The following TENT5D variants were observed in gnomAD, a reference collection of about 807,000 sequenced individuals.
TENT5D encodes the protein cancer/testis antigen 112.
For missense variants in TENT5D, 191 were observed against 287.0 expected (o/e 0.67, Z 2.42); for synonymous variants, 103 against 100.6 (o/e 1.02, Z -0.15).
intron 3 of TENT5D, among the ~76,000 whole-genome samples, chrX:80,343,479 C>T (rs1249871346): frequency 9.4e-6 from 1 of 106,084 alleles, no homozygotes; most frequent in African/African-American, 3.5e-5. Flanking sequence ...CTCACCGCAA[C>T]CTCCGCCTCC....
intron 3 of TENT5D, among the ~76,000 whole-genome samples, chrX:80,397,428 C>T (rs372016643): frequency 6.6e-5 from 7 of 106,277 alleles, no homozygotes; most frequent in African/African-American, 1.4e-4. Context: ...CGGGCAGAGA[C>T]GCTCCTCACT....
chrX:80,336,078 G>C (rs1014128000), intron 2 of TENT5D, among the ~76,000 whole-genome samples: 1 of 110,581 alleles, frequency 9.0e-6, no homozygotes, highest in Non-Finnish European at 1.9e-5. Flanking sequence ...TTGTCGATTC[G>C]TTTCAATTCA....
At chrX:80,434,092 G>A (rs766345902) in intron 1 of TENT5D, among the ~76,000 whole-genome samples, 19 of 106,862 alleles carry the variant, frequency 1.8e-4, no homozygotes, top group Non-Finnish European at 3.7e-4. Context: ...AGCCAAGATC[G>A]TACCACTGCA....
At chrX:80,401,568 G>T (rs1203485192) in intron 3 of TENT5D, among the ~76,000 whole-genome samples, 1 of 111,432 alleles carries the variant, frequency 9.0e-6, no homozygotes, top group African/African-American at 3.3e-5. Flanking sequence ...ACTTTTTTGT[G>T]TTGAAGTACA....
At chrX:80,359,529 C>CA (rs953656238) in intron 3 of TENT5D, among the ~76,000 whole-genome samples, 1 of 111,345 alleles carries the variant, frequency 9.0e-6, no homozygotes, top group Non-Finnish European at 1.9e-5. Context: ...AGCAAACTAA[C>CA]ACAAGAACAG....
rs140539900 is a variant in TENT5D, at chrX:80,375,625, C to G, written c.-142+33061C>G. On this transcript the variant is annotated intron_variant, in intron 3 of 4. Coordinates refer to the TENT5D transcript ENST00000538312. ...CATTTGCTTTTTTTCTCTTTATTTT[C>G]TACCTCCTTTGTGTACTCATTTCTG... Among the ~76,000 whole-genome samples the G allele has an allele frequency of 2.6e-3, 293 of 111,396 alleles. 1 individual carries two copies. Among genetic ancestry groups the G allele is most frequent in the Admixed American group, 4.9e-3 (51 of 10,395 alleles).
chrX:80,373,148 T>G (rs1268036098), intron 3 of TENT5D, among the ~76,000 whole-genome samples: 1 of 111,241 alleles, frequency 9.0e-6, no homozygotes, highest in Admixed American at 9.6e-5. Context: ...CATGTGTATA[T>G]GTTTCTCAAA....
intron 1 of TENT5D, among the ~76,000 whole-genome samples, chrX:80,435,756 T>C (rs944387076): frequency 1.8e-5 from 2 of 112,597 alleles, no homozygotes; most frequent in Non-Finnish European, 3.8e-5. Context: ...TTCCTTTAAA[T>C]ATTTTGCATC....
chrX:80,381,683 C>T (rs1286459319), intron 3 of TENT5D, among the ~76,000 whole-genome samples: 1 of 111,730 alleles, frequency 9.0e-6, no homozygotes, highest in African/African-American at 3.3e-5. Flanking sequence ...CTCTAAACTT[C>T]TCTTCTTGCT....
At chrX:80,367,894 A>G (rs1244065762) in intron 3 of TENT5D, among the ~76,000 whole-genome samples, 5 of 111,494 alleles carry the variant, frequency 4.5e-5, no homozygotes, top group Non-Finnish European at 9.4e-5. Flanking sequence ...AATAGGTAAA[A>G]AAGTAGTTAG....
intron 3 of TENT5D, among the ~76,000 whole-genome samples, chrX:80,396,854 G>A (rs1300429853): frequency 1.0e-5 from 1 of 95,963 alleles, no homozygotes; most frequent in African/African-American, 3.8e-5. Context: ...GGGCGGCCGG[G>A]CAGAGGCGCC....
At chrX:80,378,950 T>G (rs1292342867) in intron 3 of TENT5D, among the ~76,000 whole-genome samples, 1 of 109,484 alleles carries the variant, frequency 9.1e-6, no homozygotes, top group African/African-American at 3.3e-5. Context: ...ATGTCAGTTT[T>G]CAAAGGGAAT....
intron 3 of TENT5D, among the ~76,000 whole-genome samples, chrX:80,400,756 G>A (rs746999631): frequency 3.6e-5 from 4 of 111,535 alleles, no homozygotes; most frequent in Non-Finnish European, 7.5e-5. Flanking sequence ...TTCAGTTCAG[G>A]ATTTCAACAT....
intron 3 of TENT5D, among the ~76,000 whole-genome samples, chrX:80,368,954 C>T (rs1250171901): frequency 9.0e-6 from 1 of 111,412 alleles, no homozygotes; most frequent in East Asian, 2.8e-4. Flanking sequence ...TTGTGAATGG[C>T]AAAAGTTCAA....
chrX:80,402,942 T>G (rs766647268), intron 3 of TENT5D, among the ~76,000 whole-genome samples: 34 of 112,184 alleles, frequency 3.0e-4, no homozygotes, highest in African/African-American at 1.1e-3. Context: ...TTATTAATTT[T>G]ATGTCTGGAT....
chrX:80,399,385 A>G (rs1931349320), intron 3 of TENT5D, among the ~76,000 whole-genome samples: 2 of 112,117 alleles, frequency 1.8e-5, no homozygotes, highest in Non-Finnish European at 3.8e-5. Context: ...TGCATTGTAT[A>G]TTCTTGGCAT....
At chrX:80,437,067 C>A (rs1932197274) in intron 1 of TENT5D, among the ~76,000 whole-genome samples, 1 of 112,276 alleles carries the variant, frequency 8.9e-6, no homozygotes. Context: ...AAAAGGATTT[C>A]TCTTATTGCT....
chrX:80,413,753 G>A (rs187505472), intron 3 of TENT5D, among the ~76,000 whole-genome samples: 9 of 111,708 alleles, frequency 8.1e-5, no homozygotes, highest in East Asian at 2.8e-4. Flanking sequence ...CCAGTTTCGG[G>A]TATGTATCAG....
intron 3 of TENT5D, among the ~76,000 whole-genome samples, chrX:80,363,847 C>T (rs1930454809): frequency 1.8e-5 from 2 of 112,183 alleles, no homozygotes; most frequent in South Asian, 3.6e-4. Flanking sequence ...TTAAGATATG[C>T]GGTGTGATGT....
Sources: allele counts gnomAD v4.1 joint callset (sites outside exome capture counted in the v4.1 genomes callset), GRCh38; gene constraint gnomAD v4.1.1; transcripts MANE v1.5; gene names NCBI Gene and HGNC (gene_info 2026-07-23, HGNC 2026-07-21).